ANO4: variants seen among roughly 807,000 people sequenced by gnomAD.
The protein encoded by ANO4 is anoctamin-4.
ANO4 carries 69 observed loss-of-function variants against 141.9 expected under a neutral mutation model. The observed-to-expected ratio is 0.49, with a 90% CI of 0.40 to 0.59. The LOEUF is 0.59. Among genes scored for constraint, ANO4 ranks in the 20% least tolerant of loss-of-function variants. ANO4 has a pLI of 0.00. For missense variants in ANO4, 894 were observed against 1,162.2 expected, an observed-to-expected ratio of 0.77 and a Z score of 3.36; for synonymous variants, 350 against 394.3, an observed-to-expected ratio of 0.89 and a Z score of 1.33.
intron 4 of ANO4, among the ~76,000 whole-genome samples, chr12:100,941,211 T>A (rs2042496437): frequency 6.6e-6 from 1 of 151,092 alleles, no homozygotes; most frequent in Admixed American, 6.6e-5. Flanking sequence ...TTTCTTGTTG[T>A]GGGTAAAAAA....
At chr12:100,789,786 T>G (rs1365817582), upstream of ANO4, among the ~76,000 whole-genome samples, 2 of 152,214 alleles carry the variant, frequency 1.3e-5, no homozygotes, top group African/African-American at 4.8e-5. Context: ...TGCTTTGGAC[T>G]GTAAGGAAGA....
intron 14 of ANO4, among the ~76,000 whole-genome samples, chr12:101,063,745 C>CTATTTTTTTTTTTTTTT (rs2048447523): frequency 8.1e-5 from 2 of 24,772 alleles, no homozygotes; most frequent in African/African-American, 3.6e-4. Context: ...TCCAGGTTAT[C>CTATTTTTTTTTTTTTTT]TTTTTTTTTT....
At chr12:100,923,413 TGC>T (rs2041725574) in intron 3 of ANO4, among the ~76,000 whole-genome samples, 2 of 152,090 alleles carry the variant, frequency 1.3e-5, no homozygotes, top group Admixed American at 6.6e-5. Flanking sequence ...TGTGATCATT[TGC>T]TGAGAGTGAT....
At chr12:100,901,522 A>T in intron 1 of ANO4, 124 bp from the exon 2 acceptor site, 1 of 526,310 alleles carries the variant, frequency 1.9e-6, no homozygotes, top group South Asian at 3.1e-5. Flanking sequence ...CTTTTGAGTG[A>T]TGCATACCTT....
At chr12:100,773,984 T>C (rs2033394144) in intron 3 of ANO4, among the ~76,000 whole-genome samples, 1 of 152,226 alleles carries the variant, frequency 6.6e-6, no homozygotes, top group South Asian at 2.1e-4. Flanking sequence ...GTTTTCATAT[T>C]GTCTATGGCT....
chr12:100,976,422 A>G (rs2044196653), intron 7 of ANO4, among the ~76,000 whole-genome samples: 2 of 152,260 alleles, frequency 1.3e-5, no homozygotes, highest in African/African-American at 2.4e-5. Context: ...AGCAGTTGAC[A>G]TGACATTTGG....
At chr12:100,838,859 C>A (rs547275767) in intron 1 of ANO4, among the ~76,000 whole-genome samples, 19 of 152,094 alleles carry the variant, frequency 1.2e-4, no homozygotes, top group Admixed American at 4.6e-4. Flanking sequence ...CTGTAATTAT[C>A]AAGTGTTTGA....
Position 101,060,539 on chromosome 12 carries a change from C to A in ANO4, c.1312+12138C>A, listed in dbSNP as rs1471217089. Among the ~76,000 whole-genome samples the A allele has an allele frequency of 2.0e-5, 3 of 152,134 alleles. No homozygotes were observed. The East Asian group carries it at 5.8e-4, about 29-fold the overall frequency. On this transcript the variant is annotated intron_variant, in intron 14 of 27. Coordinates refer to ENST00000392977, the MANE Select transcript of ANO4 (RefSeq NM_001286615.2). ...AAGTCTTTTTGTAGGTCTCTAAGAACTTGCTTTATGAATCTGGGTGCTCCT... is the reference window on the plus strand; with the variant it reads ...AAGTCTTTTTGTAGGTCTCTAAGAAATTGCTTTATGAATCTGGGTGCTCCT...
intron 10 of ANO4, 28 bp downstream of exon 10, chr12:101,037,178 T>C (rs2047233665): frequency 6.2e-7 from 1 of 1,608,230 alleles, no homozygotes; most frequent in Admixed American, 1.7e-5. Context: ...ATCTTTATCT[T>C]TCTTTCAATC....
intron 1 of ANO4, among the ~76,000 whole-genome samples, chr12:100,880,375 TATAAG>T (rs1056415310): frequency 6.6e-6 from 1 of 152,136 alleles, no homozygotes; most frequent in African/African-American, 2.4e-5. Flanking sequence ...CTTAATAACT[TATAAG>T]GTAGATATTG....
At chr12:100,791,423 C>CA (rs2034043182), upstream of ANO4, among the ~76,000 whole-genome samples, 1 of 151,882 alleles carries the variant, frequency 6.6e-6, no homozygotes, top group Admixed American at 6.6e-5. Flanking sequence ...AAAACAACAA[C>CA]AACAACAAAA....
intron 8 of ANO4, among the ~76,000 whole-genome samples, chr12:101,007,021 C>T (rs1036263606): frequency 6.6e-6 from 1 of 152,052 alleles, no homozygotes; most frequent in Non-Finnish European, 1.5e-5. Flanking sequence ...ACACTGGGGG[C>T]CTGTTTGAAC....
At chr12:101,121,685 C>G (rs11110667) in intron 26 of ANO4, among the ~76,000 whole-genome samples, 2 of 151,528 alleles carry the variant, frequency 1.3e-5, no homozygotes, top group Non-Finnish European at 2.9e-5. Flanking sequence ...ACTAATTTAC[C>G]TTTCCACCAA....
chr12:100,791,042 T>C (rs973116609), upstream of ANO4, among the ~76,000 whole-genome samples: 5 of 152,228 alleles, frequency 3.3e-5, no homozygotes, highest in Admixed American at 3.3e-4. Context: ...TTTCCCTCTA[T>C]AGTATTATTC....
intron 1 of ANO4, among the ~76,000 whole-genome samples, chr12:100,797,807 C>A (rs189491606): frequency 1.3e-5 from 2 of 152,168 alleles, no homozygotes; most frequent in Admixed American, 6.5e-5. Context: ...TTCACTTTTG[C>A]CATTTTATAT....
chr12:100,759,361 T>C lies in ANO4; in HGVS notation c.358+19256T>C, dbSNP rs553650112. On this transcript the variant is annotated intron_variant, in intron 3 of 29. Transcript: ENST00000644049. ...TAAGAACAGACTGAAAAATTGGAGC[T>C]TTCTTATCTTCGTGGCTGAGACTAG... is the stretch of plus-strand genomic sequence containing the variant. Among the ~76,000 whole-genome samples the C allele has an allele frequency of 2.6e-3, 390 of 152,318 alleles. 3 individuals carry two copies. The highest frequency in any genetic ancestry group is 4.3e-3 in the Non-Finnish European group (293 of 68,024).
At chr12:100,941,428 CAT>C (rs1387888410) in intron 4 of ANO4, among the ~76,000 whole-genome samples, 1 of 152,092 alleles carries the variant, frequency 6.6e-6, no homozygotes, top group Non-Finnish European at 1.5e-5. Context: ...AAAATGGTAT[CAT>C]GTGGTATGAA....
rs62812263 is a variant in ANO4 at position 100,925,765 on chromosome 12, G to GTA, written c.160+3449_160+3450dup. On this transcript the variant is annotated intron_variant, in intron 3 of 27. Transcript: ENST00000392977. ...CAAATGTTGTGACTATTTATATATAGTATATATATATATATGTATGCATGT... is the reference window on the plus strand; with the variant it reads ...CAAATGTTGTGACTATTTATATATAGTATATATATATATATATGTATGCATGT... Among the ~76,000 whole-genome samples the GTA allele has an allele frequency of 2.6e-3, 374 of 146,510 alleles. 1 individual carries two copies. The highest frequency in any genetic ancestry group is 3.4e-3 in the South Asian group (16 of 4,648).
intron 3 of ANO4, among the ~76,000 whole-genome samples, chr12:100,933,335 G>T (rs1287662592): frequency 1.3e-5 from 2 of 151,964 alleles, no homozygotes; most frequent in African/African-American, 4.8e-5. Flanking sequence ...TGATATCATT[G>T]TTCAGTTCCC....
Sources: allele counts gnomAD v4.1 joint callset (sites outside exome capture counted in the v4.1 genomes callset), GRCh38; gene constraint gnomAD v4.1.1; transcripts MANE v1.5; gene names NCBI Gene and HGNC (gene_info 2026-07-23, HGNC 2026-07-21).